KCNB2: variants seen among roughly 807,000 people sequenced by gnomAD.
KCNB2 encodes the protein delayed rectifier potassium channel protein.
In KCNB2, 15 loss-of-function variants were observed where a neutral mutation model predicts 61.5. The observed-to-expected ratio is 0.24, with a 90% CI of 0.16 to 0.38. The LOEUF is 0.38. KCNB2 is among the 10% of genes least tolerant of loss of function. The pLI is 1.00. For missense variants in KCNB2, 828 were observed against 1,125.2 expected (o/e 0.74, Z 3.78); for synonymous variants, 457 against 446.0 (o/e 1.02, Z -0.31).
chr8:72,920,334 C>G (rs1198516875), intron 2 of KCNB2, among the ~76,000 whole-genome samples: 1 of 150,856 alleles, frequency 6.6e-6, no homozygotes. Flanking sequence ...AAAATAATGT[C>G]CTGGCCAGGC....
chr8:72,686,515 G>A (rs747600639), intron 2 of KCNB2, among the ~76,000 whole-genome samples: 2 of 151,958 alleles, frequency 1.3e-5, no homozygotes, highest in Non-Finnish European at 1.5e-5. Context: ...ACCTGGCCAG[G>A]CAATTTTCTT....
At chr8:72,716,987 A>G (rs1177309258) in intron 2 of KCNB2, among the ~76,000 whole-genome samples, 1 of 150,978 alleles carries the variant, frequency 6.6e-6, no homozygotes, top group Non-Finnish European at 1.5e-5. Flanking sequence ...AAATCAATGT[A>G]CAAAAATCAC....
At chr8:72,675,843 C>T (rs981111262) in intron 2 of KCNB2, among the ~76,000 whole-genome samples, 7 of 152,120 alleles carry the variant, frequency 4.6e-5, no homozygotes, top group Admixed American at 2.0e-4. Flanking sequence ...TGAGTCACCG[C>T]GCCTGGCCTG....
intron 1 of KCNB2, among the ~76,000 whole-genome samples, chr8:72,561,716 T>C (rs1358051885): frequency 0.092 from 2,484 of 26,976 alleles, 311 homozygotes; most frequent in African/African-American, 0.4. Flanking sequence ...TATATATATA[T>C]ATATATATAT....
chr8:72,760,295 T>C (rs1030107586), intron 2 of KCNB2, among the ~76,000 whole-genome samples: 1 of 152,212 alleles, frequency 6.6e-6, no homozygotes, highest in African/African-American at 2.4e-5. Flanking sequence ...CCTATCAGGC[T>C]GCTGTGAGCA....
intron 2 of KCNB2, among the ~76,000 whole-genome samples, chr8:72,851,872 T>G (rs913665421): frequency 7.3e-6 from 1 of 137,334 alleles, no homozygotes; most frequent in South Asian, 2.5e-4. Context: ...GTTCCAGGAT[T>G]TTCCCTACTG....
intron 2 of KCNB2, among the ~76,000 whole-genome samples, chr8:72,894,559 A>G (rs1232166180): frequency 4.6e-5 from 7 of 152,212 alleles, no homozygotes; most frequent in Non-Finnish European, 1.0e-4. Flanking sequence ...GCATGACATC[A>G]TATCACCTCC....
chr8:72,785,927 A>G (rs1808839003), intron 2 of KCNB2, among the ~76,000 whole-genome samples: 1 of 152,100 alleles, frequency 6.6e-6, no homozygotes, highest in East Asian at 1.9e-4. Context: ...GAAAAGGCCA[A>G]TTCCATTTTT....
chr8:72,649,890 G>A (rs1806187862), intron 2 of KCNB2, among the ~76,000 whole-genome samples: 1 of 152,122 alleles, frequency 6.6e-6, no homozygotes, highest in Non-Finnish European at 1.5e-5. Flanking sequence ...CCGAAAGGAT[G>A]ACTTTTGCAT....
In KCNB2 at chr8:72,702,656, T is replaced by C. The variant is rs142159183; in HGVS notation, c.579+134343T>C. ...AATGTGGAAATATTGAACCATGATG[T>C]TCATATAATTCAAAAGTCAGCTTCC... On this transcript the variant is annotated intron_variant, in intron 2 of 2. Transcript: ENST00000523207. Among the ~76,000 whole-genome samples the C allele has an allele frequency of 4.7e-3, 710 of 152,298 alleles. 7 individuals carry two copies. The highest frequency in any genetic ancestry group is 0.016 in the African/African-American group (678 of 41,568).
chr8:72,932,746 A>G (rs1211681135), intron 2 of KCNB2, among the ~76,000 whole-genome samples: 1 of 152,222 alleles, frequency 6.6e-6, no homozygotes, highest in East Asian at 1.9e-4. Context: ...GGCTTGCCAC[A>G]TAAGTGCCAT....
intron 2 of KCNB2, among the ~76,000 whole-genome samples, chr8:72,905,478 G>A (rs968006716): frequency 1.3e-5 from 2 of 152,140 alleles, no homozygotes; most frequent in Non-Finnish European, 2.9e-5. Flanking sequence ...GGGTTAGAAA[G>A]TTAAGTGAAT....
At chr8:72,889,126 G>A (rs962268015) in intron 2 of KCNB2, among the ~76,000 whole-genome samples, 3 of 152,100 alleles carry the variant, frequency 2.0e-5, no homozygotes, top group South Asian at 2.1e-4. Flanking sequence ...TAGGGGAGAG[G>A]GAGTGTGATA....
intron 2 of KCNB2, among the ~76,000 whole-genome samples, chr8:72,911,893 A>T (rs530847534): frequency 6.6e-6 from 1 of 152,308 alleles, no homozygotes; most frequent in East Asian, 1.9e-4. Context: ...AGGAACTAAC[A>T]CATGTCAAGT....
chr8:72,576,809 C>T (rs963909483), intron 2 of KCNB2, among the ~76,000 whole-genome samples: 1 of 152,208 alleles, frequency 6.6e-6, no homozygotes, highest in Non-Finnish European at 1.5e-5. Flanking sequence ...ACTGAGACTT[C>T]TCTGCAATTG....
chr8:72,838,271 C>A (rs374084368), intron 2 of KCNB2, among the ~76,000 whole-genome samples: 8 of 152,164 alleles, frequency 5.3e-5, no homozygotes, highest in South Asian at 2.1e-4. Context: ...CCCAGCCCCC[C>A]ACCAGCCGAC....
intron 2 of KCNB2, among the ~76,000 whole-genome samples, chr8:72,768,889 G>A (rs1158259531): frequency 2.6e-5 from 4 of 152,088 alleles, no homozygotes; most frequent in Non-Finnish European, 4.4e-5. Flanking sequence ...GGCCTGGCAC[G>A]GTGGCTTATG....
chr8:72,844,313 A>G (rs1313778782), intron 2 of KCNB2, among the ~76,000 whole-genome samples: 1 of 152,174 alleles, frequency 6.6e-6, no homozygotes, highest in Non-Finnish European at 1.5e-5. Flanking sequence ...ATCCGCTGTT[A>G]GTCTGATGGG....
intron 2 of KCNB2, among the ~76,000 whole-genome samples, chr8:72,635,263 A>C (rs1163181510): frequency 6.6e-6 from 1 of 152,212 alleles, no homozygotes; most frequent in Non-Finnish European, 1.5e-5. Flanking sequence ...AGGTAGACAG[A>C]GGCAACACCC....
Sources: allele counts gnomAD v4.1 joint callset (sites outside exome capture counted in the v4.1 genomes callset), GRCh38; gene constraint gnomAD v4.1.1; transcripts MANE v1.5; gene names NCBI Gene and HGNC (gene_info 2026-07-23, HGNC 2026-07-21).